The following SLC66A2 variants were observed in gnomAD, a reference collection of about 807,000 sequenced individuals.
The protein encoded by SLC66A2 is PQ loop repeat containing 1.
SLC66A2 carries 23 observed loss-of-function variants against 25.5 expected under a neutral mutation model. The observed-to-expected ratio is 0.90, with a 90% CI of 0.65 to 1.28. The LOEUF (loss-of-function observed/expected upper bound fraction) is 1.28. Ranked by LOEUF, SLC66A2 falls within the 50% of genes most tolerant of loss-of-function variation. The pLI is 0.00. For missense variants in SLC66A2, 396 were observed against 373.1 expected (o/e 1.06, Z -0.51); for synonymous variants, 193 against 166.5 (o/e 1.16, Z -1.23).
At chr18:79,916,998 G>A (rs986549854) in intron 5 of SLC66A2, among the ~76,000 whole-genome samples, 45 of 152,234 alleles carry the variant, frequency 3.0e-4, no homozygotes, top group African/African-American at 9.2e-4. Context: ...CTGCCTGCTC[G>A]GTGCTGGGGA....
intron 2 of SLC66A2, among the ~76,000 whole-genome samples, chr18:79,950,445 G>A (rs1568345886): frequency 1.3e-5 from 2 of 152,232 alleles, no homozygotes; most frequent in Non-Finnish European, 2.9e-5. Context: ...GTGCCCAGCT[G>A]AGAGGTCCCT....
intron 4 of SLC66A2, among the ~76,000 whole-genome samples, chr18:79,933,183 T>C (rs377444025): frequency 6.6e-6 from 1 of 152,048 alleles, no homozygotes; most frequent in African/African-American, 2.4e-5. Flanking sequence ...CATAGTAGAA[T>C]AAAAAATAAA....
Position 79,930,517 on chromosome 18 carries a change from TAA to T in SLC66A2, c.391+3450_391+3451del, listed in dbSNP as rs571398105. On this transcript the variant is annotated intron_variant, in intron 4 of 5. Transcript: ENST00000397778. ...AATCCACATAAAAAAAGAGTACAGGTAAAGACAATGATGTAAGTTATTATAAA... is the reference window on the plus strand; with the variant it reads ...AATCCACATAAAAAAAGAGTACAGGTAGACAATGATGTAAGTTATTATAAA... Among the ~76,000 whole-genome samples, 352 of 152,218 alleles carry T rather than the reference TAA, an allele frequency of 2.3e-3. 1 individual carries two copies. The highest frequency in any genetic ancestry group is 3.9e-3 in the South Asian group (19 of 4,828).
At chr18:79,933,883 G>T in intron 4 of SLC66A2, 86 bp downstream of exon 4, 2 of 1,225,226 alleles carry the variant, frequency 1.6e-6, no homozygotes, top group Non-Finnish European at 2.4e-6. Flanking sequence ...CACATGCACA[G>T]ATGGAAGCAA....
At chr18:79,949,114 TC>T (rs2051030119) in intron 2 of SLC66A2, among the ~76,000 whole-genome samples, 1 of 151,908 alleles carries the variant, frequency 6.6e-6, no homozygotes, top group Non-Finnish European at 1.5e-5. Context: ...GGGACAAACC[TC>T]CCTGCCTCAG....
At chr18:79,908,715 T>A (rs1326496088) in intron 5 of SLC66A2, among the ~76,000 whole-genome samples, 1 of 152,244 alleles carries the variant, frequency 6.6e-6, no homozygotes, top group Non-Finnish European at 1.5e-5. Context: ...TTGCTTCCTG[T>A]TCAGAATGGA....
At chr18:79,910,298 C>A (rs1281912941) in intron 5 of SLC66A2, among the ~76,000 whole-genome samples, 1 of 103,102 alleles carries the variant, frequency 9.7e-6, no homozygotes, top group African/African-American at 3.8e-5. Context: ...ACCACCTCAC[C>A]AGAGTCCCCA....
chr18:79,903,085 TG>T lies in SLC66A2; in HGVS notation c.*890del, dbSNP rs1244170438. ...ACCCGAGACCGTCTCTCCTGGAAGA[TG>T]GACATCAAAACTGCATCCGGAGGTG... is the stretch of plus-strand genomic sequence containing the variant. On this transcript the variant is annotated 3_prime_UTR_variant, in exon 6 of 6. Coordinates refer to ENST00000397778, the MANE Select transcript of SLC66A2 (RefSeq NM_025078.5). The T allele has an allele frequency of 6.6e-6, 1 of 152,246 alleles. No individual in the cohort carries two copies. The highest frequency in any genetic ancestry group is 1.5e-5 in the Non-Finnish European group (1 of 68,136). The allele number at this position is 152,246 out of a possible 1,614,324, so 9.4% of individuals were successfully genotyped here.
Position 79,918,755 on chromosome 18 carries a change from G to A in SLC66A2, c.608+429C>T, listed in dbSNP as rs978528323. 2.6e-5 allele frequency among the ~76,000 whole-genome samples: 4 copies of A among 152,338 alleles called. No homozygotes were observed. Among genetic ancestry groups the A allele is most frequent in the Admixed American group, 2.6e-4 (4 of 15,306 alleles). On this transcript the variant is annotated intron_variant, in intron 5 of 5. Coordinates refer to ENST00000397778, the MANE Select transcript of SLC66A2 (RefSeq NM_025078.5). This position sits in a 1 kb window ranked among gnomAD's most constrained non-coding sequence, Gnocchi z 4.0. ...TCTACCACATACCTCAGAGGCCGGA[G>A]GCCGTGCTGGGGCCAGTGGGGAAAG...
At chr18:79,948,333 C>T (rs1357364925) in intron 2 of SLC66A2, among the ~76,000 whole-genome samples, 2 of 152,180 alleles carry the variant, frequency 1.3e-5, no homozygotes, top group African/African-American at 4.8e-5. Flanking sequence ...CAAACCGATA[C>T]TTAGATGGAC....
rs532524258 is a variant in SLC66A2 at position 79,910,218 on chromosome 18, C to A, written c.609-6035G>T. 3.3e-4 allele frequency among the ~76,000 whole-genome samples: 44 copies of A among 131,876 alleles called. 1 individual carries two copies. Among genetic ancestry groups the A allele is most frequent in the African/African-American group, 1.3e-3 (43 of 34,066 alleles). 86.5% of individuals were successfully genotyped at this position (131,876 alleles called of 152,430 possible). On this transcript the variant is annotated intron_variant, in intron 5 of 5. Transcript: ENST00000397778. ...CACATCCTCACCATAGAGTCCCCAA[C>A]CTTCCCCACATCCTCACCATAGTCA... is the stretch of plus-strand genomic sequence containing the variant.
chr18:79,926,532 C>T (rs997836906), intron 4 of SLC66A2, among the ~76,000 whole-genome samples: 19 of 152,136 alleles, frequency 1.2e-4, no homozygotes, highest in Non-Finnish European at 1.0e-4. Flanking sequence ...TCGATGGGCG[C>T]TCGCAGGACG....
chr18:79,915,388 G>C (rs1021220698), intron 5 of SLC66A2: 3 of 152,486 alleles, frequency 2.0e-5, no homozygotes, highest in South Asian at 2.1e-4. Flanking sequence ...GCTCATTACC[G>C]TAACTACAAC....
intron 4 of SLC66A2, among the ~76,000 whole-genome samples, chr18:79,932,118 T>C (rs536288255): frequency 6.6e-6 from 1 of 152,326 alleles, no homozygotes; most frequent in East Asian, 1.9e-4. Flanking sequence ...TATTCACAAA[T>C]ATGTGGAAGT....
At chr18:79,913,000 G>A (rs898508962) in intron 5 of SLC66A2, among the ~76,000 whole-genome samples, 1 of 152,186 alleles carries the variant, frequency 6.6e-6, no homozygotes, top group African/African-American at 2.4e-5. Flanking sequence ...AGAGGCTGAG[G>A]ACCCACACAG....
rs954182066 is a variant in SLC66A2, at chr18:79,950,999, C to A, written c.-73G>T. The A allele has an allele frequency of 8.4e-7, 1 of 1,195,906 alleles. No individual in the cohort carries two copies. Among genetic ancestry groups the A allele is most frequent in the Non-Finnish European group, 1.1e-6 (1 of 911,838 alleles). The allele number at this position is 1,195,906 out of a possible 1,614,324, so 74.1% of individuals were successfully genotyped here. On this transcript the variant is annotated 5_prime_UTR_variant, in exon 2 of 6. Transcript: ENST00000397778. The stretch of plus-strand genomic sequence containing the variant: ...GCCACCGGCCGCCTGCTCATCGCCG[C>A]TCCGCGCGCTCCTGCGGCCTCGGGG...
intron 4 of SLC66A2, among the ~76,000 whole-genome samples, chr18:79,931,965 C>T (rs565451836): frequency 1.3e-5 from 2 of 152,116 alleles, no homozygotes; most frequent in South Asian, 4.2e-4. Flanking sequence ...TGCAGTGAGC[C>T]AAGATCACAC....
chr18:79,938,435 C>A (rs997649165), intron 3 of SLC66A2, among the ~76,000 whole-genome samples: 1 of 152,128 alleles, frequency 6.6e-6, no homozygotes, highest in African/African-American at 2.4e-5. Context: ...GCTGGGCACT[C>A]GGGGCCCTGT....
chr18:79,922,782 C>T lies in SLC66A2; in HGVS notation c.392-3382G>A, dbSNP rs1375867612. Among the ~76,000 whole-genome samples the T allele has an allele frequency of 3.4e-5, 4 of 118,862 alleles. 1 individual carries two copies. Among genetic ancestry groups the T allele is most frequent in the Admixed American group, 9.3e-5 (1 of 10,726 alleles). The allele number at this position is 118,862 out of a possible 152,430, so 78.0% of individuals were successfully genotyped here. ...GCTGCAGGGGTGGGGTGATGGGAGG[C>T]GGTGAGGTCGAGGGGGTTGGGGGTG... On this transcript the variant is annotated intron_variant, in intron 4 of 5. Transcript: ENST00000397778.
Sources: allele counts gnomAD v4.1 joint callset (sites outside exome capture counted in the v4.1 genomes callset), GRCh38; gene constraint gnomAD v4.1.1; non-coding constraint Gnocchi (gnomAD v3.1); transcripts MANE v1.5; gene names NCBI Gene and HGNC (gene_info 2026-07-23, HGNC 2026-07-21).